Variants in CSMD1 observed in about 807,000 individuals in gnomAD.
CSMD1 encodes the protein CUB and sushi domain-containing protein 1.
A neutral mutation model predicts 417.5 loss-of-function variants in CSMD1; 213 were observed. The observed-to-expected ratio is 0.51, with a 90% CI of 0.46 to 0.57. The LOEUF is 0.57. CSMD1 is among the 20% of genes least tolerant of loss of function. The pLI is 0.00. For synonymous variants in CSMD1, 2,862 were observed against 1,736.8 expected (o/e 1.65, Z -16.11); for missense variants, 6,923 against 4,529.7 (o/e 1.53, Z -15.17).
At chr8:2,974,428 C>A in intron 56 of CSMD1, 23 bp downstream of exon 56, 1 of 1,502,046 alleles carries the variant, frequency 6.7e-7, no homozygotes, top group South Asian at 1.3e-5. Flanking sequence ...GTAATTCTGT[C>A]AGTTCACTCG....
intron 5 of CSMD1, among the ~76,000 whole-genome samples, chr8:3,936,416 G>A (rs2129710344): frequency 6.6e-6 from 1 of 152,276 alleles, no homozygotes; most frequent in East Asian, 1.9e-4. Context: ...TAAAGCTTCA[G>A]AAGACAGGCT....
chr8:3,541,055 C>G (rs1414415939), intron 10 of CSMD1, among the ~76,000 whole-genome samples: 1 of 152,100 alleles, frequency 6.6e-6, no homozygotes, highest in African/African-American at 2.4e-5. Flanking sequence ...ATATAAATCA[C>G]TCTATTATAA....
At chr8:4,744,274 C>A (rs984529796) in intron 1 of CSMD1, among the ~76,000 whole-genome samples, 4 of 152,158 alleles carry the variant, frequency 2.6e-5, no homozygotes, top group Non-Finnish European at 5.9e-5. Context: ...TTGAACTTTG[C>A]CTTTTTAATG....
intron 30 of CSMD1, among the ~76,000 whole-genome samples, chr8:3,213,456 CCA>C (rs1797724755): frequency 1.3e-5 from 2 of 152,132 alleles, no homozygotes; most frequent in African/African-American, 4.8e-5. Flanking sequence ...GTCTACCCTC[CCA>C]CTCTTCCCAG....
intron 23 of CSMD1, among the ~76,000 whole-genome samples, chr8:3,319,674 A>G (rs1282976938): frequency 6.6e-6 from 1 of 152,176 alleles, no homozygotes; most frequent in East Asian, 1.9e-4. Flanking sequence ...TTCTCAGATT[A>G]TTTGTTTTTT....
At chr8:4,296,615 GT>G (rs1046089463) in intron 3 of CSMD1, among the ~76,000 whole-genome samples, 37 of 13,562 alleles carry the variant, frequency 2.7e-3, no homozygotes, top group Admixed American at 3.2e-3. Flanking sequence ...TTTTATAATA[GT>G]TTGTTATTTA....
intron 8 of CSMD1, among the ~76,000 whole-genome samples, chr8:3,593,682 C>G (rs149581435): frequency 9.2e-5 from 14 of 152,344 alleles, no homozygotes; most frequent in Middle Eastern, 3.4e-3. Context: ...TTACCAATCA[C>G]AGTACAAATA....
chr8:4,757,655 T>G (rs1280341638), intron 1 of CSMD1, among the ~76,000 whole-genome samples: 2 of 152,092 alleles, frequency 1.3e-5, no homozygotes, highest in African/African-American at 2.4e-5. Flanking sequence ...CACATCATAA[T>G]TTTGTGTAAA....
At chr8:4,541,783 C>T (rs1343673446) in intron 2 of CSMD1, among the ~76,000 whole-genome samples, 1 of 151,982 alleles carries the variant, frequency 6.6e-6, no homozygotes, top group Non-Finnish European at 1.5e-5. Flanking sequence ...TCTTATATCA[C>T]CATGCTTGAC....
At chr8:4,470,855 TGA>T (rs1220634620) in intron 2 of CSMD1, among the ~76,000 whole-genome samples, 4 of 152,230 alleles carry the variant, frequency 2.6e-5, no homozygotes, top group Admixed American at 6.5e-5. Context: ...TGATTTTTTT[TGA>T]GTTATGTAAA....
chr8:3,297,479 A>G (rs978742014), intron 25 of CSMD1, among the ~76,000 whole-genome samples: 5 of 152,208 alleles, frequency 3.3e-5, no homozygotes, highest in African/African-American at 1.2e-4. Flanking sequence ...AAATAGATAA[A>G]TGAAATGGAA....
chr8:3,616,855 T>TA (rs201211832), intron 7 of CSMD1, 58 bp from the exon 8 acceptor site: 1 of 1,234,300 alleles, frequency 8.1e-7, no homozygotes, highest in East Asian at 2.4e-5. Context: ...AATACCCAGA[T>TA]AAAAAATTTA....
intron 5 of CSMD1, among the ~76,000 whole-genome samples, chr8:3,840,956 C>T (rs1410372809): frequency 6.6e-6 from 1 of 152,040 alleles, no homozygotes; most frequent in East Asian, 1.9e-4. Flanking sequence ...ATCCTCCTGC[C>T]TCGGCCTCCC....
At chr8:3,045,640 G>A (rs764480043) in intron 50 of CSMD1, among the ~76,000 whole-genome samples, 3 of 152,080 alleles carry the variant, frequency 2.0e-5, no homozygotes, top group Non-Finnish European at 4.4e-5. Context: ...AGTGGCACCT[G>A]TTTCCTGCTT....
At chr8:4,417,870 T>A (rs1238056) in intron 3 of CSMD1, among the ~76,000 whole-genome samples, 5 of 151,788 alleles carry the variant, frequency 3.3e-5, no homozygotes, top group Non-Finnish European at 7.4e-5. Context: ...CCATGACATT[T>A]CCTTGGAAAG....
At chr8:4,748,666 T>G (rs1418495728) in intron 1 of CSMD1, among the ~76,000 whole-genome samples, 1 of 152,250 alleles carries the variant, frequency 6.6e-6, no homozygotes, top group Non-Finnish European at 1.5e-5. Context: ...ATTTTTAGTC[T>G]AAAATTCAAG....
At chr8:4,905,100 T>A (rs1805153232) in intron 1 of CSMD1, among the ~76,000 whole-genome samples, 1 of 152,182 alleles carries the variant, frequency 6.6e-6, no homozygotes, top group Admixed American at 6.5e-5. Context: ...CTGTGGTGTA[T>A]TTTTAGTGCT....
At chr8:4,734,061 C>A (rs1338453697) in intron 1 of CSMD1, among the ~76,000 whole-genome samples, 9 of 152,090 alleles carry the variant, frequency 5.9e-5, no homozygotes, top group Non-Finnish European at 1.3e-4. Context: ...TTTGGAGAAA[C>A]TGAGGTGACA....
intron 1 of CSMD1, among the ~76,000 whole-genome samples, chr8:4,921,535 T>C (rs1010837792): frequency 1.3e-5 from 2 of 152,186 alleles, no homozygotes; most frequent in Non-Finnish European, 2.9e-5. Flanking sequence ...GTTGGTAAAA[T>C]GGCACTTTAA....
Sources: gnomAD v4.1 joint callset for allele counts (sites outside exome capture counted in the v4.1 genomes callset) on GRCh38, gnomAD v4.1.1 for gene constraint, MANE v1.5 for transcripts, NCBI Gene and HGNC (gene_info 2026-07-23, HGNC 2026-07-21) for gene names.